The following VRK1 variants were observed in gnomAD, a reference collection of about 807,000 sequenced individuals.
VRK1 encodes the protein VRK serine/threonine kinase 1.
A neutral mutation model predicts 57.1 loss-of-function variants in VRK1; 33 were observed. The ratio of observed to expected loss-of-function variants is 0.58; its 90% CI spans 0.44 to 0.77. The LOEUF is 0.77. Among genes scored for constraint, VRK1 ranks in the 30% least tolerant of loss-of-function variants. The pLI, the probability that VRK1 is intolerant of heterozygous loss-of-function variation, is 0.00. For missense variants in VRK1, 413 were observed against 477.3 expected (o/e 0.87, Z 1.25); for synonymous variants, 137 against 147.8 (o/e 0.93, Z 0.53).
intron 1 of VRK1, among the ~76,000 whole-genome samples, chr14:96,815,612 G>A (rs866174252): frequency 3.3e-5 from 5 of 152,020 alleles, no homozygotes; most frequent in Middle Eastern, 3.2e-3. Context: ...AGCCGGGTGC[G>A]GTGGTTCGTG....
intron 2 of VRK1, among the ~76,000 whole-genome samples, chr14:96,835,907 T>G (rs1373316187): frequency 6.6e-6 from 1 of 152,148 alleles, no homozygotes. Flanking sequence ...CAGTATGGCT[T>G]TTATGACCAA....
In VRK1 at chr14:96,856,217, A is replaced by G; in HGVS notation, c.797A>G (p.Lys266Arg). The G allele has an allele frequency of 6.2e-7, 1 of 1,613,674 alleles. No homozygotes were observed. The highest frequency in any genetic ancestry group is 8.5e-7 in the Non-Finnish European group (1 of 1,179,792). ...TGHLPWEDNL[K>R]DPKYVRDSKI... The stretch of plus-strand genomic sequence containing the variant: ...CATCTTCCTTGGGAGGATAATTTGA[A>G]AGATCCTAAATATGTTAGAGATTCC... Residue 266 changes from lysine (K) to arginine (R), a missense_variant, in exon 9 of 13, where the codon AAA (lysine) becomes AGA (arginine). Lys to Arg is a conservative substitution (Grantham distance 26, BLOSUM62 2). This residue lies in a region of VRK1 where 151 missense variants were observed against 225.5 expected (regional missense o/e 0.67). Transcript: ENST00000216639.
At chr14:96,809,322 A>G (rs1252798066) in intron 1 of VRK1, among the ~76,000 whole-genome samples, 1 of 152,204 alleles carries the variant, frequency 6.6e-6, no homozygotes, top group Non-Finnish European at 1.5e-5. Context: ...AGGTGTGTCA[A>G]AGAATTTGTG....
intron 1 of VRK1, among the ~76,000 whole-genome samples, chr14:96,800,606 CAT>C (rs1422451323): frequency 1.3e-5 from 2 of 152,018 alleles, no homozygotes; most frequent in African/African-American, 4.8e-5. Flanking sequence ...AGCTTGGAAA[CAT>C]ATATGTTTGT....
chr14:96,878,867 C>T (rs1595693501), intron 12 of VRK1, among the ~76,000 whole-genome samples: 1 of 152,158 alleles, frequency 6.6e-6, no homozygotes, highest in East Asian at 1.9e-4. Flanking sequence ...CAAAATCATG[C>T]CAGTATTTCA....
At chr14:96,813,859 C>CA (rs1886297096) in intron 1 of VRK1, among the ~76,000 whole-genome samples, 1 of 152,138 alleles carries the variant, frequency 6.6e-6, no homozygotes, top group African/African-American at 2.4e-5. Flanking sequence ...ACTTTCCTTG[C>CA]AACTTACTGG....
chr14:96,848,954 G>A (rs1887828998), intron 5 of VRK1, among the ~76,000 whole-genome samples: 2 of 152,182 alleles, frequency 1.3e-5, no homozygotes, highest in Admixed American at 1.3e-4. Flanking sequence ...ATGAACGTGA[G>A]CACAGGCAGG....
intron 1 of VRK1, among the ~76,000 whole-genome samples, chr14:96,819,904 T>C (rs1595649538): frequency 6.6e-6 from 1 of 152,304 alleles, no homozygotes; most frequent in East Asian, 1.9e-4. Context: ...AATTGGGCCC[T>C]TTCTGTTGAC....
intron 1 of VRK1, among the ~76,000 whole-genome samples, chr14:96,805,763 A>G (rs1051226285): frequency 2.0e-5 from 3 of 152,206 alleles, no homozygotes; most frequent in Admixed American, 6.5e-5. Flanking sequence ...TTTACAGTGT[A>G]AGAGGTTACC....
At chr14:96,853,542 T>G (rs1888033094) in intron 7 of VRK1, among the ~76,000 whole-genome samples, 1 of 152,144 alleles carries the variant, frequency 6.6e-6, no homozygotes, top group Admixed American at 6.5e-5. Flanking sequence ...GTTCTATTAC[T>G]TGGAAAATTT....
At chr14:96,818,033 C>T (rs546854888) in intron 1 of VRK1, among the ~76,000 whole-genome samples, 11 of 149,064 alleles carry the variant, frequency 7.4e-5, no homozygotes, top group East Asian at 3.9e-4. Context: ...TCATCACTTT[C>T]GTTTCTGGGA....
At chr14:96,825,201 T>A (rs1215560332) in intron 1 of VRK1, among the ~76,000 whole-genome samples, 1 of 152,070 alleles carries the variant, frequency 6.6e-6, no homozygotes, top group African/African-American at 2.4e-5. Flanking sequence ...TGCAGGTGGT[T>A]TGTAGGTGTG....
intron 1 of VRK1, among the ~76,000 whole-genome samples, chr14:96,827,504 C>A (rs1192502541): frequency 6.6e-6 from 1 of 152,086 alleles, no homozygotes; most frequent in Admixed American, 6.6e-5. Context: ...ACCAGTATCT[C>A]GTGGGCAGCA....
intron 1 of VRK1, among the ~76,000 whole-genome samples, chr14:96,807,724 G>A (rs1885937842): frequency 6.6e-6 from 1 of 152,048 alleles, no homozygotes; most frequent in Non-Finnish European, 1.5e-5. Flanking sequence ...CTGTTTGTAT[G>A]CATTAGTTTT....
At chr14:96,832,259 G>A (rs1463275187) in intron 1 of VRK1, among the ~76,000 whole-genome samples, 1 of 152,060 alleles carries the variant, frequency 6.6e-6, no homozygotes, top group East Asian at 1.9e-4. Context: ...TCAAAACTGA[G>A]CTCAAAACTG....
intron 3 of VRK1, among the ~76,000 whole-genome samples, chr14:96,839,721 T>C (rs1224216292): frequency 6.6e-6 from 1 of 152,202 alleles, no homozygotes; most frequent in Non-Finnish European, 1.5e-5. Context: ...TGGGTTGTTT[T>C]GCTTTTTATA....
At chr14:96,852,168 G>C (rs1887976173) in intron 5 of VRK1, among the ~76,000 whole-genome samples, 1 of 152,180 alleles carries the variant, frequency 6.6e-6, no homozygotes, top group African/African-American at 2.4e-5. Context: ...GTGAGTCCCT[G>C]CTCTCTCATT....
At chr14:96,808,018 T>TCTCC (rs1566683615) in intron 1 of VRK1, among the ~76,000 whole-genome samples, 2 of 6,300 alleles carry the variant, frequency 3.2e-4, no homozygotes, top group African/African-American at 3.6e-4. Context: ...TCTCTCCCTC[T>TCTCC]GTGTGTGTGT....
chr14:96,876,389 G>A (rs1480643443), intron 12 of VRK1, among the ~76,000 whole-genome samples: 6 of 152,146 alleles, frequency 3.9e-5, no homozygotes. Flanking sequence ...AGAGCTGCCA[G>A]GCGTGGTGAC....
Sources: allele counts gnomAD v4.1 joint callset (sites outside exome capture counted in the v4.1 genomes callset), GRCh38; gene constraint gnomAD v4.1.1; regional missense constraint gnomAD v4.1.1; transcripts MANE v1.5; gene names NCBI Gene and HGNC (gene_info 2026-07-23, HGNC 2026-07-21).